The following FBXL7 variants were observed in gnomAD, a reference collection of about 807,000 sequenced individuals.
FBXL7 encodes F-box and leucine rich repeat protein 7.
A neutral mutation model predicts 38.3 loss-of-function variants in FBXL7; 12 were observed. The ratio of observed to expected loss-of-function variants is 0.31; its 90% CI spans 0.20 to 0.51. The LOEUF (loss-of-function observed/expected upper bound fraction) is 0.51, where lower values mean the gene tolerates loss of function less well. FBXL7 is among the 20% of genes least tolerant of loss of function. The pLI is 0.98. For synonymous variants in FBXL7, 297 were observed against 300.9 expected, an observed-to-expected ratio of 0.99 and a Z score of 0.13; for missense variants, 567 against 676.4, an observed-to-expected ratio of 0.84 and a Z score of 1.79.
At chr5:15,582,018 AC>A (rs1207350334) in intron 1 of FBXL7, among the ~76,000 whole-genome samples, 3 of 151,962 alleles carry the variant, frequency 2.0e-5, no homozygotes, top group Non-Finnish European at 4.4e-5. Flanking sequence ...GCTCATTGCA[AC>A]CTCCATCTCC....
chr5:15,516,810 T>G (rs1252830165), intron 1 of FBXL7, among the ~76,000 whole-genome samples: 1 of 152,052 alleles, frequency 6.6e-6, no homozygotes, highest in African/African-American at 2.4e-5. Flanking sequence ...TTGGTCGGCA[T>G]TTCTCCTTGC....
intron 1 of FBXL7, 34 bp from the exon 2 acceptor site, chr5:15,615,949 A>G (rs781572666): frequency 4.5e-5 from 68 of 1,519,446 alleles, no homozygotes; most frequent in Non-Finnish European, 5.4e-5. Context: ...TGAAATTACA[A>G]ATCTCAAAAG....
chr5:15,569,848 C>T (rs1441660203), intron 1 of FBXL7, among the ~76,000 whole-genome samples: 4 of 152,258 alleles, frequency 2.6e-5, no homozygotes, highest in Admixed American at 6.5e-5. Context: ...TTGAGATAAT[C>T]GTATGGTTTT....
chr5:15,553,036 C>T (rs1370527822), intron 1 of FBXL7, among the ~76,000 whole-genome samples: 5 of 151,130 alleles, frequency 3.3e-5, no homozygotes, highest in South Asian at 2.1e-4. Context: ...GAGCCAAGAT[C>T]GTGCCACTGC....
At chr5:15,566,641 A>C (rs1738581343) in intron 1 of FBXL7, among the ~76,000 whole-genome samples, 1 of 152,200 alleles carries the variant, frequency 6.6e-6, no homozygotes, top group Non-Finnish European at 1.5e-5. Context: ...TCATACAAGA[A>C]GCAACTTTTT....
chr5:15,849,987 G>A (rs199800720), intron 2 of FBXL7, among the ~76,000 whole-genome samples: 1 of 152,148 alleles, frequency 6.6e-6, no homozygotes. Context: ...CTGAGCTAGT[G>A]GGGGTTGACT....
rs566027950 is a variant in FBXL7, at chr5:15,824,310, A to G, written c.128-103580A>G. The stretch of plus-strand genomic sequence containing the variant: ...GACTCCGTCTCAAAAAAAAAAAAAA[A>G]AGAGAAAAACGTGGACCATTTTCAC... On this transcript the variant is annotated intron_variant, in intron 2 of 3. Transcript: ENST00000504595. Among the ~76,000 whole-genome samples the G allele has an allele frequency of 1.0e-3, 154 of 151,552 alleles. 3 individuals carry two copies. In the South Asian group the frequency reaches 0.03, roughly 30 times the overall value.
chr5:15,619,477 T>G (rs1740557616), intron 2 of FBXL7, among the ~76,000 whole-genome samples: 1 of 152,198 alleles, frequency 6.6e-6, no homozygotes. Context: ...AAACTGCTTC[T>G]CGGATTCTCT....
chr5:15,588,661 A>G (rs1041129848), intron 1 of FBXL7, among the ~76,000 whole-genome samples: 1 of 152,128 alleles, frequency 6.6e-6, no homozygotes, highest in Non-Finnish European at 1.5e-5. Context: ...TGCTGGGATT[A>G]TAGGCGTGAG....
chr5:15,692,634 C>T (rs976498231), intron 2 of FBXL7, among the ~76,000 whole-genome samples: 1 of 152,170 alleles, frequency 6.6e-6, no homozygotes, highest in Non-Finnish European at 1.5e-5. Context: ...TCATCCAGGC[C>T]TGATCCGAAA....
chr5:15,530,303 C>T (rs1291538044), intron 1 of FBXL7, among the ~76,000 whole-genome samples: 2 of 152,164 alleles, frequency 1.3e-5, no homozygotes, highest in Non-Finnish European at 2.9e-5. Flanking sequence ...TTACCCTTCT[C>T]TATACAAACT....
rs537925926 is a variant in FBXL7 at position 15,622,009 on chromosome 5, AG to A, written c.127+5939del. On this transcript the variant is annotated intron_variant, in intron 2 of 3. Coordinates refer to ENST00000504595, the MANE Select transcript of FBXL7 (RefSeq NM_012304.5). ...GATAAATGAGAAACAGTTATTGTCAAGGAACAGCAGTAGAAAGACATGCACA... is the reference window on the plus strand; with the variant it reads ...GATAAATGAGAAACAGTTATTGTCAAGAACAGCAGTAGAAAGACATGCACA... Among the ~76,000 whole-genome samples, 3 of 152,336 alleles carry A rather than the reference AG, an allele frequency of 2.0e-5. No homozygotes were observed. In the South Asian group the frequency reaches 6.2e-4, roughly 32 times the overall value.
Position 15,616,114 on chromosome 5 carries a change from G to A in FBXL7, c.127+42G>A. 3 of 1,419,084 alleles carry A rather than the reference G, an allele frequency of 2.1e-6. No homozygotes were observed. The South Asian group carries it at 3.5e-5, about 16-fold the overall frequency. The allele number at this position is 1,419,084 out of a possible 1,614,324, so 87.9% of individuals were successfully genotyped here. The stretch of plus-strand genomic sequence containing the variant: ...CATTATCTCTCTTTCTTCTTCACAG[G>A]GCTGGCTATTTTTGGAACAGAAATA... On this transcript the variant is annotated intron_variant, in intron 2 of 3. Transcript: ENST00000504595.
At chr5:15,920,993 C>A (rs1209901790) in intron 2 of FBXL7, among the ~76,000 whole-genome samples, 1 of 152,170 alleles carries the variant, frequency 6.6e-6, no homozygotes, top group Non-Finnish European at 1.5e-5. Context: ...GCCTTCATGA[C>A]ACTTGTAGTG....
At chr5:15,818,404 A>G (rs1425189780) in intron 2 of FBXL7, among the ~76,000 whole-genome samples, 1 of 152,192 alleles carries the variant, frequency 6.6e-6, no homozygotes, top group Admixed American at 6.5e-5. Flanking sequence ...TTTTTTGGCT[A>G]ATAGTGATTC....
chr5:15,627,706 G>C (rs1740865253), intron 2 of FBXL7, among the ~76,000 whole-genome samples: 1 of 152,166 alleles, frequency 6.6e-6, no homozygotes, highest in African/African-American at 2.4e-5. Flanking sequence ...CTCTTCTATA[G>C]TGAAGAGAGA....
intron 1 of FBXL7, among the ~76,000 whole-genome samples, chr5:15,569,843 A>G (rs150845480): frequency 0.079 from 12,100 of 152,272 alleles, 645 homozygotes; most frequent in South Asian, 0.18. Flanking sequence ...ATCTATTGAG[A>G]TAATCGTATG....
At chr5:15,931,601 C>T (rs946746925) in intron 3 of FBXL7, among the ~76,000 whole-genome samples, 8 of 152,178 alleles carry the variant, frequency 5.3e-5, no homozygotes, top group Admixed American at 4.6e-4. Flanking sequence ...TAATTGCTCC[C>T]TATGACCTAC....
chr5:15,879,673 T>G (rs1740359362), intron 2 of FBXL7, among the ~76,000 whole-genome samples: 1 of 152,168 alleles, frequency 6.6e-6, no homozygotes, highest in Non-Finnish European at 1.5e-5. Flanking sequence ...AAACCTGTCA[T>G]AAGGTAGTAT....
Sources: gnomAD v4.1 joint callset for allele counts (sites outside exome capture counted in the v4.1 genomes callset) on GRCh38, gnomAD v4.1.1 for gene constraint, MANE v1.5 for transcripts, NCBI Gene and HGNC (gene_info 2026-07-23, HGNC 2026-07-21) for gene names.